The following MSI2 variants were observed in gnomAD, a reference collection of about 807,000 sequenced individuals.
MSI2 encodes the protein musashi RNA binding protein 2.
In MSI2, 17 loss-of-function variants were observed where a neutral mutation model predicts 45.6. That is an observed-to-expected ratio of 0.37 (90% confidence interval 0.26 to 0.56). MSI2 has a LOEUF of 0.56. MSI2 is among the 20% of genes least tolerant of loss of function. The pLI, the probability that MSI2 is intolerant of heterozygous loss-of-function variation, is 0.77. For synonymous variants in MSI2, 156 were observed against 158.2 expected, an observed-to-expected ratio of 0.99 and a Z score of 0.11; for missense variants, 293 against 444.2, an observed-to-expected ratio of 0.66 and a Z score of 3.06.
intron 5 of MSI2, among the ~76,000 whole-genome samples, chr17:57,305,017 G>A (rs935808279): frequency 6.6e-6 from 1 of 152,148 alleles, no homozygotes; most frequent in Non-Finnish European, 1.5e-5. Flanking sequence ...CCAGGTCTTC[G>A]CTCTCAGAGA....
intron 5 of MSI2, among the ~76,000 whole-genome samples, chr17:57,384,174 A>G (rs963546388): frequency 2.7e-4 from 41 of 152,216 alleles, no homozygotes; most frequent in African/African-American, 9.9e-4. Flanking sequence ...TAACAATTTT[A>G]TTATGCTCAT....
At chr17:57,473,671 C>A (rs926198524) in intron 6 of MSI2, among the ~76,000 whole-genome samples, 13 of 152,232 alleles carry the variant, frequency 8.5e-5, no homozygotes, top group African/African-American at 3.1e-4. Flanking sequence ...CCTCTCACCA[C>A]TGAAGTGCAG....
intron 6 of MSI2, among the ~76,000 whole-genome samples, chr17:57,471,121 C>A (rs1046878109): frequency 6.6e-6 from 1 of 152,074 alleles, no homozygotes; most frequent in Non-Finnish European, 1.5e-5. Flanking sequence ...CCACCTCACA[C>A]CCTACCCCCT....
At chr17:57,454,922 A>G (rs780084621) in intron 6 of MSI2, among the ~76,000 whole-genome samples, 1 of 152,132 alleles carries the variant, frequency 6.6e-6, no homozygotes, top group African/African-American at 2.4e-5. Flanking sequence ...GCTTCACCTC[A>G]TCTTTGCATA....
At chr17:57,263,903 A>G (rs1178689650) in intron 5 of MSI2, 7 of 152,330 alleles carry the variant, frequency 4.6e-5, no homozygotes, top group East Asian at 3.9e-4. Flanking sequence ...TAGGGATTTA[A>G]TAATAACACC....
At chr17:57,556,192 T>C (rs929726223) in intron 7 of MSI2, among the ~76,000 whole-genome samples, 1 of 152,192 alleles carries the variant, frequency 6.6e-6, no homozygotes, top group African/African-American at 2.4e-5. Flanking sequence ...TGGGAAGCAA[T>C]AGCAATTGAT....
chr17:57,557,776 G>A (rs1476709104), intron 7 of MSI2, among the ~76,000 whole-genome samples: 1 of 152,236 alleles, frequency 6.6e-6, no homozygotes, highest in Non-Finnish European at 1.5e-5. Context: ...AAATACCATT[G>A]ATGAGAAGCA....
intron 6 of MSI2, among the ~76,000 whole-genome samples, chr17:57,489,372 G>A (rs1199409499): frequency 4.6e-5 from 7 of 152,190 alleles, no homozygotes; most frequent in Non-Finnish European, 8.8e-5. Context: ...TGGGGGTCCA[G>A]GAGCAGGTGC....
chr17:57,459,169 AC>A (rs559477600), intron 6 of MSI2, among the ~76,000 whole-genome samples: 84 of 152,214 alleles, frequency 5.5e-4, no homozygotes, highest in African/African-American at 2.0e-3. Context: ...GTGTTTTGGA[AC>A]CTGGGCTAAG....
intron 7 of MSI2, among the ~76,000 whole-genome samples, chr17:57,588,245 T>G (rs529572970): frequency 6.6e-6 from 1 of 152,314 alleles, no homozygotes; most frequent in Non-Finnish European, 1.5e-5. Context: ...GATGGCCTCC[T>G]GACCTGGAAG....
chr17:57,326,971 A>C (rs1913849381), intron 5 of MSI2, among the ~76,000 whole-genome samples: 1 of 152,196 alleles, frequency 6.6e-6, no homozygotes, highest in Non-Finnish European at 1.5e-5. Flanking sequence ...TAAAATGACT[A>C]GACATGAGAG....
At chr17:57,281,215 T>C (rs534594266) in intron 5 of MSI2, among the ~76,000 whole-genome samples, 3 of 152,344 alleles carry the variant, frequency 2.0e-5, no homozygotes, top group African/African-American at 7.2e-5. Context: ...AGCAGGTTCC[T>C]GTCTAGAGGG....
At chr17:57,500,543 A>C (rs2086081489) in intron 6 of MSI2, among the ~76,000 whole-genome samples, 1 of 151,712 alleles carries the variant, frequency 6.6e-6, no homozygotes, top group Admixed American at 6.6e-5. Flanking sequence ...CTAGTTTTTT[A>C]CAACCACTGT....
chr17:57,653,858 C>T (rs1326360895), intron 11 of MSI2, among the ~76,000 whole-genome samples: 1 of 151,974 alleles, frequency 6.6e-6, no homozygotes, highest in Non-Finnish European at 1.5e-5. Context: ...ACCCTACCCT[C>T]TCATGGACTC....
At chr17:57,514,650 CTTTTTTTTT>C (rs11318524) in intron 6 of MSI2, among the ~76,000 whole-genome samples, 1 of 135,324 alleles carries the variant, frequency 7.4e-6, no homozygotes, top group East Asian at 2.2e-4. Flanking sequence ...TGAATTGATA[CTTTTTTTTT>C]TTTTTTTTTT....
chr17:57,413,629 C>A (rs2084238503), intron 6 of MSI2, among the ~76,000 whole-genome samples: 1 of 151,860 alleles, frequency 6.6e-6, no homozygotes, highest in African/African-American at 2.4e-5. Context: ...ATTTTGCCTC[C>A]TGGGAGAGCT....
At chr17:57,347,010 T>G (rs1353565310) in intron 5 of MSI2, among the ~76,000 whole-genome samples, 1 of 152,222 alleles carries the variant, frequency 6.6e-6, no homozygotes, top group East Asian at 1.9e-4. Flanking sequence ...TTTACTCTGG[T>G]TATCTTTAAG....
intron 5 of MSI2, among the ~76,000 whole-genome samples, chr17:57,398,713 C>T (rs945921533): frequency 4.6e-5 from 7 of 152,192 alleles, no homozygotes; most frequent in Non-Finnish European, 7.3e-5. Flanking sequence ...CTGATAGGAA[C>T]CTTGTATGGT....
intron 11 of MSI2, among the ~76,000 whole-genome samples, chr17:57,654,728 A>G (rs1911457552): frequency 6.6e-6 from 1 of 152,142 alleles, no homozygotes; most frequent in African/African-American, 2.4e-5. Context: ...ACAGGGAGAC[A>G]TTCAGGGAGA....
Sources: gnomAD v4.1 joint callset for allele counts (sites outside exome capture counted in the v4.1 genomes callset) on GRCh38, gnomAD v4.1.1 for gene constraint, MANE v1.5 for transcripts, NCBI Gene and HGNC (gene_info 2026-07-23, HGNC 2026-07-21) for gene names.